Variants in ALDH18A1 observed in about 807,000 individuals in gnomAD.
The protein encoded by ALDH18A1 is aldehyde dehydrogenase 18 family member A1.
A neutral mutation model predicts 88.8 loss-of-function variants in ALDH18A1; 44 were observed. The observed-to-expected ratio is 0.50, with a 90% CI of 0.39 to 0.64. The LOEUF (loss-of-function observed/expected upper bound fraction) is 0.64. ALDH18A1 is among the 30% of genes least tolerant of loss of function. The pLI, the probability that ALDH18A1 is intolerant of heterozygous loss-of-function variation, is 0.00. For missense variants in ALDH18A1, 782 were observed against 1,009.5 expected (o/e 0.77, Z 3.05); for synonymous variants, 331 against 372.1 (o/e 0.89, Z 1.27).
rs560951967 is a variant in ALDH18A1 at position 95,606,732 on chromosome 10, T to C, written c.*30A>G. On this transcript the variant is annotated 3_prime_UTR_variant, in exon 18 of 18. Coordinates refer to ENST00000371224, the MANE Select transcript of ALDH18A1 (RefSeq NM_002860.4). ...AGACAAGTTTAACGTGAAGACCTTTTGGAAAATTCCCGGGTTTTCCTGGCT... is the reference window on the plus strand; with the variant it reads ...AGACAAGTTTAACGTGAAGACCTTTCGGAAAATTCCCGGGTTTTCCTGGCT... 6.0e-5 allele frequency: 97 copies of C among 1,613,998 alleles called. 1 individual carries two copies. In the Middle Eastern group the frequency reaches 1.8e-3, roughly 30 times the overall value.
In ALDH18A1 at chr10:95,622,684, C is replaced by T. The variant is rs542710127; in HGVS notation, c.1247-1433G>A. On this transcript the variant is annotated intron_variant, in intron 11 of 17. Transcript: ENST00000371224. ...TTCTGAGTAGCTGGGACTACAGGCG[C>T]CCGCCACCACACCCGGCTAATTTTT... 4.4e-3 allele frequency among the ~76,000 whole-genome samples: 676 copies of T among 152,148 alleles called. 4 individuals are homozygous for T. Among genetic ancestry groups the T allele is most frequent in the Middle Eastern group, 0.014 (4 of 294 alleles).
intron 7 of ALDH18A1, among the ~76,000 whole-genome samples, chr10:95,629,117 T>C (rs1473529616): frequency 1.3e-5 from 2 of 152,160 alleles, no homozygotes; most frequent in Non-Finnish European, 1.5e-5. Flanking sequence ...CATAAAATAG[T>C]TACCTGAAAT....
Position 95,627,491 on chromosome 10 carries a change from A to G in ALDH18A1, c.1029T>C (p.Ile343=), listed in dbSNP as rs41291566. 46,850 of 1,614,066 alleles carry G rather than the reference A, an allele frequency of 0.029. 861 individuals are homozygous for G. The highest frequency in any genetic ancestry group is 0.035 in the Non-Finnish European group (40,736 of 1,179,968). The change falls in exon 9 of 18, where the codon ATT becomes ATC. Residue 343 remains isoleucine, a synonymous_variant. Transcript: ENST00000371224. ...AGGTACCAACTTTCTTCCCCTCCACAATGTCTGTGATGACGTGCCCAGACA... is the reference window on the plus strand; with the variant it reads ...AGGTACCAACTTTCTTCCCCTCCACGATGTCTGTGATGACGTGCCCAGACA... ...PKVSGHVITD[I]VEGKKVGTFF... is the part of the protein sequence containing the mutation.
At chr10:95,620,934 TAAAA>T (rs75882174) in intron 12 of ALDH18A1, 93 bp downstream of exon 12, 12 of 1,096,002 alleles carry the variant, frequency 1.1e-5, no homozygotes, top group African/African-American at 1.7e-5. Flanking sequence ...GAACTTAAAT[TAAAA>T]AAAAAAAAAA....
rs563198198 is a variant in ALDH18A1, at chr10:95,647,010, C to T, written c.89-3804G>A. 7.9e-5 allele frequency among the ~76,000 whole-genome samples: 12 copies of T among 152,314 alleles called. No individual in the cohort carries two copies. In the East Asian group the frequency reaches 2.3e-3, roughly 29 times the overall value. On this transcript the variant is annotated intron_variant, in intron 2 of 17. Coordinates refer to ENST00000371224, the MANE Select transcript of ALDH18A1 (RefSeq NM_002860.4). ...TCTTTTTCTCTCTGGCCTTCCATTG[C>T]CTTCTCTGTTTATCTCCACAAGCGT...
intron 5 of ALDH18A1, among the ~76,000 whole-genome samples, chr10:95,636,778 C>T (rs2097881456): frequency 6.6e-6 from 1 of 152,196 alleles, no homozygotes; most frequent in Non-Finnish European, 1.5e-5. Flanking sequence ...AGTGTTAGCA[C>T]TTGGAATCCT....
chr10:95,648,451 A>C (rs970795565), intron 2 of ALDH18A1, among the ~76,000 whole-genome samples: 6 of 152,124 alleles, frequency 3.9e-5, no homozygotes, highest in African/African-American at 1.4e-4. Context: ...TAAATAAGGA[A>C]ACTGATGCTC....
intron 17 of ALDH18A1, among the ~76,000 whole-genome samples, 175 bp downstream of exon 17, chr10:95,610,022 G>A (rs1008450862): frequency 2.0e-5 from 3 of 151,930 alleles, no homozygotes; most frequent in African/African-American, 7.3e-5. Context: ...CACCCACCTC[G>A]GCCTCCCAAA....
chr10:95,636,135 C>G (rs1052156385), intron 5 of ALDH18A1, among the ~76,000 whole-genome samples: 2 of 151,916 alleles, frequency 1.3e-5, no homozygotes, highest in African/African-American at 4.8e-5. Context: ...TACAAACAGG[C>G]AAATGATGGA....
chr10:95,609,769 A>ATTTTTTTTTTCTT (rs2097829752), intron 17 of ALDH18A1, among the ~76,000 whole-genome samples: 1 of 114,266 alleles, frequency 8.8e-6, no homozygotes, highest in African/African-American at 3.4e-5. Flanking sequence ...GTCTGTCTCT[A>ATTTTTTTTTTCTT]TTTTTTTTTT....
chr10:95,629,288 T>G (rs1457562093), intron 7 of ALDH18A1, among the ~76,000 whole-genome samples: 2 of 152,152 alleles, frequency 1.3e-5, no homozygotes, highest in Non-Finnish European at 2.9e-5. Context: ...GGGGACTGGC[T>G]GAAGGACATT....
At chr10:95,634,165 T>A (rs2097876389) in intron 5 of ALDH18A1, among the ~76,000 whole-genome samples, 1 of 152,204 alleles carries the variant, frequency 6.6e-6, no homozygotes, top group South Asian at 2.1e-4. Flanking sequence ...AGTACTTTAA[T>A]CCTCAAAGAG....
chr10:95,617,041 G>C (rs1424153421), intron 12 of ALDH18A1, among the ~76,000 whole-genome samples: 1 of 152,204 alleles, frequency 6.6e-6, no homozygotes, highest in Non-Finnish European at 1.5e-5. Flanking sequence ...GAGGTCAGGA[G>C]TTCGATACCA....
Position 95,613,987 on chromosome 10 carries a change from C to CA in ALDH18A1, c.1779dup (p.Val594CysfsTer2). On this transcript the variant is annotated frameshift_variant, in exon 14 of 18. Coordinates refer to ENST00000371224, the MANE Select transcript of ALDH18A1 (RefSeq NM_002860.4). LOFTEE classifies it high-confidence loss of function. ...TCACCTAGCCTGGTGACCTTATCAACACTGGCCTCGGAATCCACATACATG... is the reference window on the plus strand; with the variant it reads ...TCACCTAGCCTGGTGACCTTATCAACAACTGGCCTCGGAATCCACATACATG... 6.2e-7 allele frequency: 1 copy of CA among 1,614,224 alleles called. No homozygotes were observed. Among genetic ancestry groups the CA allele is most frequent in the Non-Finnish European group, 8.5e-7 (1 of 1,180,044 alleles).
chr10:95,645,536 C>T (rs909993689), intron 2 of ALDH18A1, among the ~76,000 whole-genome samples: 1 of 152,110 alleles, frequency 6.6e-6, no homozygotes, highest in African/African-American at 2.4e-5. Context: ...AATGGGAAGG[C>T]GACTATGGGT....
chr10:95,624,887 T>C (rs2097858234), intron 11 of ALDH18A1, among the ~76,000 whole-genome samples: 2 of 152,340 alleles, frequency 1.3e-5, no homozygotes, highest in Non-Finnish European at 2.9e-5. Context: ...ACTGACCATG[T>C]GGATTTGGGC....
Position 95,633,812 on chromosome 10 carries a change from C to CTTTTT in ALDH18A1, c.559-168_559-164dup, listed in dbSNP as rs869056809. Reference sequence around the variant, plus strand: ...ACACATATCTGGGTGCTATCCAATTCTTTTTTTTTTTTTTTTTTTTTTGAG... The same window carrying CTTTTT: ...ACACATATCTGGGTGCTATCCAATTCTTTTTTTTTTTTTTTTTTTTTTTTTTTGAG... On this transcript the variant is annotated intron_variant, in intron 5 of 17. Coordinates refer to ENST00000371224, the MANE Select transcript of ALDH18A1 (RefSeq NM_002860.4). Among the ~76,000 whole-genome samples the CTTTTT allele has an allele frequency of 2.0e-3, 209 of 103,248 alleles. 3 individuals carry two copies. Among genetic ancestry groups the CTTTTT allele is most frequent in the East Asian group, 9.1e-3 (27 of 2,974 alleles). The allele number at this position is 103,248 out of a possible 152,430, so 67.7% of individuals were successfully genotyped here.
intron 3 of ALDH18A1, among the ~76,000 whole-genome samples, chr10:95,638,224 T>C (rs768976505): frequency 5.3e-5 from 8 of 152,152 alleles, no homozygotes; most frequent in Non-Finnish European, 1.2e-4. Context: ...AGTCTCACTA[T>C]GTTGCCCAGG....
intron 15 of ALDH18A1, among the ~76,000 whole-genome samples, chr10:95,613,125 T>C (rs908336049): frequency 2.0e-5 from 3 of 152,248 alleles, no homozygotes; most frequent in African/African-American, 7.2e-5. Context: ...TTTAACAGAT[T>C]GTCCATTTTT....
Sources: gnomAD v4.1 joint callset for allele counts (sites outside exome capture counted in the v4.1 genomes callset) on GRCh38, gnomAD v4.1.1 for gene constraint, MANE v1.5 for transcripts, NCBI Gene and HGNC (gene_info 2026-07-23, HGNC 2026-07-21) for gene names.